Variants in LGMN observed in about 807,000 individuals in gnomAD.
LGMN encodes the protein asparaginyl endopeptidase.
In LGMN, 36 loss-of-function variants were observed where a neutral mutation model predicts 56.8. The observed-to-expected ratio is 0.63, with a 90% CI of 0.49 to 0.84. The LOEUF is 0.84. Ranked by LOEUF, LGMN falls within the 40% of genes least tolerant of loss-of-function variation. The pLI is 0.00. For missense variants in LGMN, 446 were observed against 556.1 expected (o/e 0.80, Z 1.99); for synonymous variants, 199 against 210.1 (o/e 0.95, Z 0.46).
At position 92,704,680 on chromosome 14, in the gene LGMN, C is replaced by T. The variant is rs149227402; in HGVS notation, c.1219G>A (p.Val407Met). ...GGCTTCTCACAAAGGTTGACCAGCA[C>T]GTACAAATGTCTCAACGCATACTCG... ...TYEYALRHLY[V>M]LVNLCEKPYP... Residue 407 changes from valine (V) to methionine (M), a missense_variant, in exon 13 of 14, where the codon GTG (valine) becomes ATG (methionine). By Grantham distance (21) the Val-to-Met change is conservative. Transcript: ENST00000334869. 1.7e-4 allele frequency: 271 copies of T among 1,613,596 alleles called. 1 individual carries two copies. The highest frequency in any genetic ancestry group is 2.1e-4 in the Non-Finnish European group (247 of 1,179,498).
rs887695808 is a variant in LGMN at position 92,744,276 on chromosome 14, C to T, written c.-30+4213G>A. Among the ~76,000 whole-genome samples, 6 of 152,116 alleles carry T rather than the reference C, an allele frequency of 3.9e-5. 1 individual carries two copies. The South Asian group carries it at 6.2e-4, about 16-fold the overall frequency. On this transcript the variant is annotated intron_variant, in intron 1 of 13. Coordinates refer to ENST00000334869, the MANE Select transcript of LGMN (RefSeq NM_005606.7). ...CTTCTAGATTAGAGCATACTCTTCA[C>T]GGTTATCTAATTCTAATTTATAGGA...
At chr14:92,724,720 G>A (rs554394035) in intron 2 of LGMN, among the ~76,000 whole-genome samples, 41 of 152,312 alleles carry the variant, frequency 2.7e-4, no homozygotes, top group South Asian at 6.2e-4. Context: ...GAGTTCCGCT[G>A]GTCTTCCTAA....
Position 92,704,339 on chromosome 14 carries a change from C to T in LGMN, c.1282G>A (p.Val428Met), listed in dbSNP as rs772032796. 3.1e-6 allele frequency: 5 copies of T among 1,612,708 alleles called. No individual in the cohort carries two copies. The highest frequency in any genetic ancestry group is 1.7e-4 in the Middle Eastern group (1 of 6,058). Residue 428 changes from valine to methionine, a missense_variant, in exon 14 of 14, where the codon GTG becomes ATG. By Grantham distance (21) the Val-to-Met change is conservative (BLOSUM62 1). Coordinates refer to ENST00000334869, the MANE Select transcript of LGMN (RefSeq NM_005606.7). Reference protein sequence around the residue: ...LHRIKLSMDHVCLGHY With the variant: ...LHRIKLSMDHMCLGHY ...GCTCTTCAGTAGTGACCAAGGCACA[C>T]GTGGTCCATGGACAATTTTATCCTG...
chr14:92,734,465 C>A (rs1273590441), intron 1 of LGMN, among the ~76,000 whole-genome samples: 3 of 152,106 alleles, frequency 2.0e-5, no homozygotes, highest in African/African-American at 7.2e-5. Context: ...CATGGCAAAA[C>A]CCTGTCTCTA....
intron 2 of LGMN, among the ~76,000 whole-genome samples, chr14:92,721,765 T>G (rs900822566): frequency 6.6e-6 from 1 of 152,114 alleles, no homozygotes; most frequent in Non-Finnish European, 1.5e-5. Context: ...AAAAATAAAT[T>G]GTCATAAGTT....
At chr14:92,747,268 C>T (rs1335952448) in intron 1 of LGMN, among the ~76,000 whole-genome samples, 1 of 151,762 alleles carries the variant, frequency 6.6e-6, no homozygotes, top group African/African-American at 2.4e-5. Flanking sequence ...CTGAGGCGGG[C>T]GGATCACTTG....
At chr14:92,732,321 A>G (rs1027595892) in intron 2 of LGMN, 1 of 274,056 alleles carries the variant, frequency 3.6e-6, no homozygotes, top group Non-Finnish European at 7.0e-6. Context: ...AATGCACAAG[A>G]CGGCCCCCAA....
At chr14:92,746,968 G>A (rs1249782441) in intron 1 of LGMN, among the ~76,000 whole-genome samples, 10 of 150,814 alleles carry the variant, frequency 6.6e-5, no homozygotes, top group African/African-American at 2.0e-4. Context: ...CCTGGGAGGC[G>A]GAGCTTGCAG....
chr14:92,726,347 AC>A (rs896965096), intron 2 of LGMN, among the ~76,000 whole-genome samples: 1 of 151,948 alleles, frequency 6.6e-6, no homozygotes, highest in Non-Finnish European at 1.5e-5. Context: ...CGCCTCCGTC[AC>A]TGCAGTCTGC....
At chr14:92,719,320 G>GCCT in intron 2 of LGMN, among the ~76,000 whole-genome samples, 1 of 49,228 alleles carries the variant, frequency 2.0e-5, no homozygotes, top group East Asian at 5.1e-4. Flanking sequence ...CACCGCCGCC[G>GCCT]CCGCCACCGC....
At chr14:92,739,903 G>A (rs1286950940) in intron 1 of LGMN, among the ~76,000 whole-genome samples, 1 of 152,160 alleles carries the variant, frequency 6.6e-6, no homozygotes, top group South Asian at 2.1e-4. Flanking sequence ...TGCTAACCAC[G>A]TGCAGGGAGA....
intron 2 of LGMN, among the ~76,000 whole-genome samples, chr14:92,724,684 T>G (rs1207600229): frequency 6.6e-6 from 1 of 152,226 alleles, no homozygotes; most frequent in Non-Finnish European, 1.5e-5. Context: ...AGATTGTGAC[T>G]TGGCTGGTTT....
chr14:92,705,339 T>C (rs1013100831), intron 12 of LGMN, among the ~76,000 whole-genome samples: 5 of 151,958 alleles, frequency 3.3e-5, no homozygotes, highest in Admixed American at 3.3e-4. Flanking sequence ...CTGTCTCTAC[T>C]AAAAATACGA....
At chr14:92,718,613 T>A in intron 3 of LGMN, 134 bp downstream of exon 3, 1 of 499,328 alleles carries the variant, frequency 2.0e-6, no homozygotes, top group Non-Finnish European at 3.7e-6. Flanking sequence ...ACATGAGGTA[T>A]CCCTGTGATC....
At chr14:92,747,438 C>G (rs1292337268) in intron 1 of LGMN, among the ~76,000 whole-genome samples, 2 of 152,072 alleles carry the variant, frequency 1.3e-5, no homozygotes, top group African/African-American at 2.4e-5. Context: ...TGCAGTGAGC[C>G]GAGATCGCAC....
intron 3 of LGMN, 107 bp downstream of exon 3, chr14:92,718,640 C>CT (rs1566922982): frequency 1.5e-6 from 1 of 658,208 alleles, no homozygotes; most frequent in African/African-American, 1.8e-5. Flanking sequence ...CTGGGAGTCT[C>CT]TTATATATTT....
chr14:92,713,229 GT>G (rs891801554), intron 7 of LGMN, among the ~76,000 whole-genome samples: 2 of 151,340 alleles, frequency 1.3e-5, no homozygotes, highest in African/African-American at 2.4e-5. Context: ...ACCCATGCAG[GT>G]TTTTTTTTGT....
intron 11 of LGMN, among the ~76,000 whole-genome samples, chr14:92,708,869 A>AAAAAAAAAAAAAAAAAAAAAC (rs1889584937): frequency 6.6e-6 from 1 of 150,952 alleles, no homozygotes; most frequent in Non-Finnish European, 1.5e-5. Flanking sequence ...AAAAAAAAAA[A>AAAAAAAAAAAAAAAAAAAAAC]AAAAAAAAAA....
chr14:92,708,464 A>T (rs1234969091), intron 11 of LGMN, among the ~76,000 whole-genome samples: 1 of 152,106 alleles, frequency 6.6e-6, no homozygotes, highest in Non-Finnish European at 1.5e-5. Context: ...GAGGCCCAAG[A>T]CTAAAATGTC....
Sources: allele counts gnomAD v4.1 joint callset (sites outside exome capture counted in the v4.1 genomes callset), GRCh38; gene constraint gnomAD v4.1.1; transcripts MANE v1.5; gene names NCBI Gene and HGNC (gene_info 2026-07-23, HGNC 2026-07-21).